TIPARP: variants seen among roughly 807,000 people sequenced by gnomAD.
TIPARP encodes the protein TCDD inducible poly(ADP-ribose) polymerase, also known as protein mono-ADP-ribosyltransferase TIPARP.
TIPARP carries 12 observed loss-of-function variants against 56.5 expected under a neutral mutation model. The observed-to-expected ratio is 0.21, with a 90% CI of 0.14 to 0.34. The LOEUF (loss-of-function observed/expected upper bound fraction) is 0.34. TIPARP is among the 10% of genes least tolerant of loss of function. The pLI is 1.00. For synonymous variants in TIPARP, 296 were observed against 265.7 expected, an observed-to-expected ratio of 1.11 and a Z score of -1.11; for missense variants, 604 against 781.6, an observed-to-expected ratio of 0.77 and a Z score of 2.71.
Position 156,695,826 on chromosome 3 carries a change from C to CTTTTTTTTTTTTTTTTTTT in TIPARP, c.1087-22_1087-21insTTTTTTTTTTTTTTTTTTT, listed in dbSNP as rs10631452. 5.3e-5 allele frequency: 55 copies of CTTTTTTTTTTTTTTTTTTT among 1,031,204 alleles called. 6 individuals are homozygous for CTTTTTTTTTTTTTTTTTTT. The highest frequency in any genetic ancestry group is 3.2e-4 in the Middle Eastern group (1 of 3,152). 63.9% of individuals were successfully genotyped at this position (1,031,204 alleles called of 1,614,324 possible). A position where few individuals can be genotyped will look rare whatever the true frequency, so the allele number is the denominator to read the frequency against. ...TTTTTAACCATGATTATTAACTTTCCTTTTTTTTTTTTTTTTTGTTCTGTT... is the reference window on the plus strand; with the variant it reads ...TTTTTAACCATGATTATTAACTTTCCTTTTTTTTTTTTTTTTTTTTTTTTTTTTTTTTTTTTGTTCTGTT... On this transcript the variant is annotated intron_variant, in intron 3 of 5. Transcript: ENST00000295924.
At chr3:156,677,620 A>G in intron 1 of TIPARP, 37 bp from the exon 2 acceptor site, 4 of 1,360,860 alleles carry the variant, frequency 2.9e-6, no homozygotes, top group Non-Finnish European at 4.0e-6. Context: ...AGTTGCTGTC[A>G]GTTTGTAAAT....
chr3:156,703,425 A>G lies in TIPARP; in HGVS notation c.1249A>G (p.Thr417Ala). The stretch of plus-strand genomic sequence containing the variant: ...GATGTTTCTTCCTCTCCATTTTAGG[A>G]CACTTGGTGGGGTTCCCACACAAGC... ...SCFILLPYLQ[T>A]LGGVPTQAPP... The change falls in exon 5 of 6, where the codon ACA (threonine) becomes GCA (alanine). Residue 417 changes from threonine (T) to alanine (A), a missense_variant and splice_region_variant. By Grantham distance (58) the Thr-to-Ala change is moderately conservative. Around this residue, in one of 4 missense-constraint regions of TIPARP, gnomAD observed 252 missense variants for 303.9 expected, o/e 0.83. Transcript: ENST00000295924. 1 of 1,613,436 alleles carries G rather than the reference A, an allele frequency of 6.2e-7. No individual in the cohort carries two copies. Among genetic ancestry groups the G allele is most frequent in the Non-Finnish European group, 8.5e-7 (1 of 1,179,802 alleles).
Position 156,706,498 on chromosome 3 carries a change from T to C in TIPARP, c.*1367T>C, listed in dbSNP as rs984138582. 2.6e-5 allele frequency: 4 copies of C among 152,628 alleles called. No homozygotes were observed. Among genetic ancestry groups the C allele is most frequent in the African/African-American group, 9.7e-5 (4 of 41,444 alleles). 9.5% of individuals were successfully genotyped at this position (152,628 alleles called of 1,614,324 possible). On this transcript the variant is annotated 3_prime_UTR_variant, in exon 6 of 6. Transcript: ENST00000295924. ...TGTTTATTAAGCACTTATCAGGGCT[T>C]CCACACACTTATTTATTTTGCCCTA...
At chr3:156,698,231 G>T (rs1722766269) in intron 4 of TIPARP, among the ~76,000 whole-genome samples, 3 of 152,210 alleles carry the variant, frequency 2.0e-5, no homozygotes, top group Admixed American at 2.0e-4. Context: ...TCTTATAGAA[G>T]TGCAAGGTGA....
intron 2 of TIPARP, chr3:156,681,105 G>A (rs1049626557): frequency 6.6e-6 from 3 of 455,864 alleles, no homozygotes; most frequent in African/African-American, 4.0e-5. Context: ...ATTCCAAAGC[G>A]ATGTTGTGTT....
intron 2 of TIPARP, among the ~76,000 whole-genome samples, chr3:156,689,975 C>T (rs567621096): frequency 1.3e-5 from 2 of 152,314 alleles, no homozygotes; most frequent in African/African-American, 4.8e-5. Context: ...TTCCTTTTCC[C>T]ACTAGATTGG....
chr3:156,677,840 T>C lies in TIPARP; in HGVS notation c.143T>C (p.Leu48Ser). 6.2e-7 allele frequency: 1 copy of C among 1,614,188 alleles called. No homozygotes were observed. The highest frequency in any genetic ancestry group is 8.5e-7 in the Non-Finnish European group (1 of 1,180,034). Residue 48 changes from leucine (L) to serine (S), a missense_variant, in exon 2 of 6, where the codon TTG becomes TCG. Around this residue, in one of 4 missense-constraint regions of TIPARP, gnomAD observed 261 missense variants for 279.2 expected, o/e 0.93. Transcript: ENST00000295924. ...TTTAAGAAAAAGGATCAGAAAAGAT[T>C]GGGAACTGGAACCCTGAGGTCTTTG... ...TCFKKKDQKR[L>S]GTGTLRSLRP...
At chr3:156,675,975 T>TGCGC (rs919550315) in intron 1 of TIPARP, among the ~76,000 whole-genome samples, 1 of 152,184 alleles carries the variant, frequency 6.6e-6, no homozygotes, top group East Asian at 1.9e-4. Context: ...TAGGAAAAGT[T>TGCGC]GCGCGCGCGC....
chr3:156,685,008 T>C (rs1722397293), intron 2 of TIPARP, among the ~76,000 whole-genome samples: 1 of 152,238 alleles, frequency 6.6e-6, no homozygotes. Context: ...AAATTAAGGA[T>C]TTTATGTACA....
chr3:156,683,837 A>G (rs1405955678), intron 2 of TIPARP, among the ~76,000 whole-genome samples: 2 of 152,228 alleles, frequency 1.3e-5, no homozygotes, highest in African/African-American at 2.4e-5. Context: ...GAATGCTACA[A>G]AAATACAGCC....
chr3:156,679,138 TC>T (rs1249272360), intron 2 of TIPARP, among the ~76,000 whole-genome samples: 1 of 152,212 alleles, frequency 6.6e-6, no homozygotes, highest in Non-Finnish European at 1.5e-5. Context: ...TTTATTAGTT[TC>T]CTTGGAACTT....
rs1209362566 is a variant in TIPARP, at chr3:156,699,535, T to A, written c.1247+3510T>A. 2.0e-5 allele frequency among the ~76,000 whole-genome samples: 3 copies of A among 152,150 alleles called. No homozygotes were observed. In the East Asian group the frequency reaches 5.8e-4, roughly 29 times the overall value. On this transcript the variant is annotated intron_variant, in intron 4 of 5. Coordinates refer to ENST00000295924, the MANE Select transcript of TIPARP (RefSeq NM_015508.5). ...TTTTTAAATTAAGGTATAAATATTG[T>A]TTTTTTAAAGAATGAATGCTATTAT...
At chr3:156,686,782 G>C (rs1002977302) in intron 2 of TIPARP, among the ~76,000 whole-genome samples, 2 of 152,116 alleles carry the variant, frequency 1.3e-5, no homozygotes, top group African/African-American at 4.8e-5. Flanking sequence ...TAGTAGTTAT[G>C]TGTAAATGAG....
intron 4 of TIPARP, among the ~76,000 whole-genome samples, chr3:156,697,405 A>G (rs1449733909): frequency 7.2e-6 from 1 of 138,494 alleles, no homozygotes; most frequent in Non-Finnish European, 1.5e-5. Context: ...ATGATAAGTA[A>G]TTATGGAATA....
intron 2 of TIPARP, among the ~76,000 whole-genome samples, chr3:156,684,002 T>C (rs1488550879): frequency 6.6e-6 from 1 of 152,254 alleles, no homozygotes; most frequent in Non-Finnish European, 1.5e-5. Context: ...CAACCTTTAA[T>C]AATTATCAGT....
At chr3:156,679,090 G>A (rs556804526) in intron 2 of TIPARP, among the ~76,000 whole-genome samples, 2 of 152,224 alleles carry the variant, frequency 1.3e-5, no homozygotes, top group Admixed American at 1.3e-4. Context: ...CATCTTTTCT[G>A]TGAATGATTC....
At chr3:156,692,145 T>C (rs1722591967) in intron 2 of TIPARP, among the ~76,000 whole-genome samples, 1 of 152,184 alleles carries the variant, frequency 6.6e-6, no homozygotes, top group Non-Finnish European at 1.5e-5. Flanking sequence ...TGACTCATAA[T>C]TGGGAACAGT....
At chr3:156,697,077 A>G (rs143856542) in intron 4 of TIPARP, among the ~76,000 whole-genome samples, 2 of 152,324 alleles carry the variant, frequency 1.3e-5, no homozygotes, top group East Asian at 3.9e-4. Flanking sequence ...TTAGAAATAT[A>G]TATTGGATTG....
intron 2 of TIPARP, among the ~76,000 whole-genome samples, chr3:156,682,188 A>T (rs1722325513): frequency 6.6e-6 from 1 of 152,208 alleles, no homozygotes; most frequent in African/African-American, 2.4e-5. Flanking sequence ...CACACTGCAA[A>T]CCTTATTTTG....
Sources: allele counts gnomAD v4.1 joint callset (sites outside exome capture counted in the v4.1 genomes callset), GRCh38; gene constraint gnomAD v4.1.1; regional missense constraint gnomAD v4.1.1; transcripts MANE v1.5; gene names NCBI Gene and HGNC (gene_info 2026-07-23, HGNC 2026-07-21).